WDR70: variants seen among roughly 807,000 people sequenced by gnomAD.
The protein encoded by WDR70 is WD repeat-containing protein 70.
In WDR70, 53 loss-of-function variants were observed where a neutral mutation model predicts 88.6. That is an observed-to-expected ratio of 0.60 (90% CI 0.48 to 0.75). The LOEUF is 0.75. WDR70 is among the 30% of genes least tolerant of loss of function. The pLI is 0.00. For missense variants in WDR70, 610 were observed against 823.2 expected, an observed-to-expected ratio of 0.74 and a Z score of 3.17; for synonymous variants, 280 against 270.0, an observed-to-expected ratio of 1.04 and a Z score of -0.36.
chr5:37,428,152 A>G (rs1750192913), intron 5 of WDR70, among the ~76,000 whole-genome samples: 1 of 152,010 alleles, frequency 6.6e-6, no homozygotes, highest in African/African-American at 2.4e-5. Context: ...GGTTTTTGTT[A>G]CAGCCAAAAC....
At chr5:37,675,216 G>T (rs1472283577) in intron 10 of WDR70, among the ~76,000 whole-genome samples, 1 of 152,042 alleles carries the variant, frequency 6.6e-6, no homozygotes, top group Admixed American at 6.5e-5. Flanking sequence ...TTCTTTTGCT[G>T]TGCAGAAGCT....
chr5:37,665,734 T>C (rs1745820785), intron 10 of WDR70, among the ~76,000 whole-genome samples: 1 of 152,236 alleles, frequency 6.6e-6, no homozygotes, highest in Non-Finnish European at 1.5e-5. Flanking sequence ...CACTCAGCTT[T>C]TGAAGGAAAG....
intron 8 of WDR70, among the ~76,000 whole-genome samples, chr5:37,509,266 T>G (rs773899216): frequency 2.6e-5 from 4 of 152,184 alleles, no homozygotes; most frequent in Non-Finnish European, 4.4e-5. Context: ...AAGCATTTCT[T>G]TAACTGTGTC....
chr5:37,521,133 C>T (rs918803274), intron 9 of WDR70, among the ~76,000 whole-genome samples: 1 of 152,102 alleles, frequency 6.6e-6, no homozygotes, highest in Non-Finnish European at 1.5e-5. Context: ...ACTGTTGGAT[C>T]AGTGTGAATG....
chr5:37,554,803 C>G (rs1742252749), intron 9 of WDR70, among the ~76,000 whole-genome samples: 1 of 152,018 alleles, frequency 6.6e-6, no homozygotes, highest in African/African-American at 2.4e-5. Context: ...AACTCCTGGG[C>G]TTACATGACC....
At chr5:37,534,131 C>T (rs1446871907) in intron 9 of WDR70, among the ~76,000 whole-genome samples, 1 of 152,128 alleles carries the variant, frequency 6.6e-6, no homozygotes, top group Non-Finnish European at 1.5e-5. Context: ...GCAGACACAC[C>T]CTAGTACCAG....
At chr5:37,678,751 T>C (rs1321446046) in intron 10 of WDR70, among the ~76,000 whole-genome samples, 1 of 152,224 alleles carries the variant, frequency 6.6e-6, no homozygotes, top group African/African-American at 2.4e-5. Context: ...TGGCATTCTC[T>C]GTATTTCCTG....
chr5:37,728,364 C>A (rs2366668), intron 17 of WDR70, among the ~76,000 whole-genome samples: 8,213 of 133,522 alleles, frequency 0.062, 374 homozygotes, highest in Middle Eastern at 0.13. Context: ...AAAAAAAAAA[C>A]AAAAAAAAAA....
chr5:37,599,071 A>T lies in WDR70; in HGVS notation c.918-5993A>T, dbSNP rs554508528. Reference sequence around the variant, plus strand: ...AAATCACTTTAGAGATCTTGGTTTAATTTTTCTTGAAGGACTACATAAGCA... The same window carrying T: ...AAATCACTTTAGAGATCTTGGTTTATTTTTTCTTGAAGGACTACATAAGCA... On this transcript the variant is annotated intron_variant, in intron 9 of 17. Coordinates refer to ENST00000265107, the MANE Select transcript of WDR70 (RefSeq NM_018034.4). Among the ~76,000 whole-genome samples the T allele has an allele frequency of 8.5e-5, 13 of 152,324 alleles. 1 individual carries two copies. In the South Asian group the frequency reaches 2.5e-3, roughly 29 times the overall value.
chr5:37,663,756 C>A (rs1396468478), intron 10 of WDR70, among the ~76,000 whole-genome samples: 1 of 152,146 alleles, frequency 6.6e-6, no homozygotes, highest in Non-Finnish European at 1.5e-5. Context: ...TCCTTCCCTG[C>A]AGTCGCCAAG....
chr5:37,569,293 G>C (rs1191763259), intron 9 of WDR70, among the ~76,000 whole-genome samples: 1 of 152,184 alleles, frequency 6.6e-6, no homozygotes. Context: ...GTCTTAGAAT[G>C]TGTGTCCTTG....
intron 17 of WDR70, among the ~76,000 whole-genome samples, chr5:37,731,604 T>A (rs558685493): frequency 8.5e-5 from 13 of 152,256 alleles, no homozygotes; most frequent in Admixed American, 5.2e-4. Flanking sequence ...GGATTTTTTT[T>A]ATACTTCAGA....
At chr5:37,455,243 C>CTTTTTT (rs544303522) in intron 7 of WDR70, among the ~76,000 whole-genome samples, 2 of 123,080 alleles carry the variant, frequency 1.6e-5, no homozygotes, top group African/African-American at 5.8e-5. Flanking sequence ...TTCTTTCTTT[C>CTTTTTT]TTTTTTTTTT....
intron 9 of WDR70, among the ~76,000 whole-genome samples, chr5:37,518,856 C>T (rs189403145): frequency 8.3e-4 from 126 of 152,010 alleles, no homozygotes; most frequent in African/African-American, 2.9e-3. Flanking sequence ...TGTTTGTGTC[C>T]CTGGGTACTT....
intron 10 of WDR70, among the ~76,000 whole-genome samples, chr5:37,629,581 C>T (rs1274740667): frequency 6.6e-6 from 1 of 152,092 alleles, no homozygotes. Flanking sequence ...ATTATATTTT[C>T]TATTTCATTC....
intron 5 of WDR70, among the ~76,000 whole-genome samples, chr5:37,415,801 G>A (rs1749718672): frequency 6.7e-6 from 1 of 148,178 alleles, no homozygotes. Context: ...AGACGGGGCG[G>A]CCGGGCAGAG....
intron 9 of WDR70, among the ~76,000 whole-genome samples, chr5:37,539,854 G>A (rs555705738): frequency 2.0e-5 from 3 of 152,216 alleles, no homozygotes; most frequent in Middle Eastern, 3.4e-3. Context: ...CTAGAATTAC[G>A]CCCCTTCACC....
chr5:37,438,903 C>T (rs1581278219), intron 6 of WDR70, among the ~76,000 whole-genome samples: 1 of 72,356 alleles, frequency 1.4e-5, no homozygotes, highest in Non-Finnish European at 3.3e-5. Flanking sequence ...TTGGAGTCCT[C>T]ATTCGTTTTT....
intron 3 of WDR70, among the ~76,000 whole-genome samples, chr5:37,384,697 G>C (rs1748550492): frequency 7.0e-6 from 1 of 141,914 alleles, no homozygotes; most frequent in Admixed American, 7.2e-5. Context: ...ATTTCACCAT[G>C]TTGTCCAGGC....
Sources: allele counts gnomAD v4.1 joint callset (sites outside exome capture counted in the v4.1 genomes callset), GRCh38; gene constraint gnomAD v4.1.1; transcripts MANE v1.5; gene names NCBI Gene and HGNC (gene_info 2026-07-23, HGNC 2026-07-21).